The following CRYZ variants were observed in gnomAD, a reference collection of about 807,000 sequenced individuals.
CRYZ encodes zeta-crystallin.
A neutral mutation model predicts 34.1 loss-of-function variants in CRYZ; 35 were observed. The observed-to-expected ratio is 1.03, with a 90% CI of 0.78 to 1.36. CRYZ has a LOEUF of 1.36. Ranked by LOEUF, CRYZ falls within the 40% of genes most tolerant of loss-of-function variation. The pLI is 0.00. For synonymous variants in CRYZ, 137 were observed against 136.5 expected, an observed-to-expected ratio of 1.00 and a Z score of -0.03; for missense variants, 403 against 391.8, an observed-to-expected ratio of 1.03 and a Z score of -0.24.
chr1:74,724,432 T>A (rs1647232948), intron 2 of CRYZ, among the ~76,000 whole-genome samples: 1 of 152,228 alleles, frequency 6.6e-6, no homozygotes, highest in Non-Finnish European at 1.5e-5. Context: ...TCAAAACTCC[T>A]TATGTGTCCA....
At position 74,716,217 on chromosome 1, in the gene CRYZ, T is replaced by C. The variant is rs905054253; in HGVS notation, c.429-1587A>G. ...GTGCGCGTGTGTGTGTGTGTGTGTG[T>C]ATGTGTACAGAGTGACTGATTCTTA... On this transcript the variant is annotated intron_variant, in intron 4 of 8. Coordinates refer to ENST00000340866, the MANE Select transcript of CRYZ (RefSeq NM_001889.4). Among the ~76,000 whole-genome samples, 4 of 152,122 alleles carry C rather than the reference T, an allele frequency of 2.6e-5. 1 individual carries two copies. Among genetic ancestry groups the C allele is most frequent in the African/African-American group, 2.4e-5 (1 of 41,500 alleles).
chr1:74,731,183 T>A (rs957884193), intron 1 of CRYZ, among the ~76,000 whole-genome samples: 2 of 152,190 alleles, frequency 1.3e-5, no homozygotes, highest in Non-Finnish European at 2.9e-5. Context: ...ATCTAGGAAA[T>A]AGAAAATCTA....
intron 1 of CRYZ, among the ~76,000 whole-genome samples, chr1:74,727,000 C>A (rs571904011): frequency 3.2e-4 from 48 of 152,014 alleles, no homozygotes; most frequent in Non-Finnish European, 5.9e-4. Context: ...CCATCTGAGA[C>A]CACCTCAGCC....
At chr1:74,716,877 T>C (rs929130186) in intron 4 of CRYZ, among the ~76,000 whole-genome samples, 1 of 152,158 alleles carries the variant, frequency 6.6e-6, no homozygotes, top group African/African-American at 2.4e-5. Context: ...TAGCCCTGGA[T>C]TAATGTTCAA....
chr1:74,711,906 A>G (rs1191979691), intron 5 of CRYZ, among the ~76,000 whole-genome samples: 1 of 151,714 alleles, frequency 6.6e-6, no homozygotes, highest in East Asian at 1.9e-4. Flanking sequence ...TATCTTACGG[A>G]TGGTATTTAA....
At chr1:74,719,815 C>T (rs1206372352) in intron 3 of CRYZ, among the ~76,000 whole-genome samples, 2 of 151,814 alleles carry the variant, frequency 1.3e-5, no homozygotes, top group Non-Finnish European at 2.9e-5. Flanking sequence ...TAAAATACTT[C>T]ACATTTAAAA....
At chr1:74,716,536 G>C (rs1647078117) in intron 4 of CRYZ, among the ~76,000 whole-genome samples, 1 of 152,038 alleles carries the variant, frequency 6.6e-6, no homozygotes, top group Non-Finnish European at 1.5e-5. Context: ...AGAAAATCAA[G>C]CATCACAGTT....
intron 1 of CRYZ, among the ~76,000 whole-genome samples, chr1:74,728,205 G>A (rs1647487171): frequency 6.6e-6 from 1 of 152,006 alleles, no homozygotes; most frequent in African/African-American, 2.4e-5. Context: ...TAACAAAAGG[G>A]GAAAAACATC....
At chr1:74,726,848 GA>G (rs1647369110) in intron 1 of CRYZ, among the ~76,000 whole-genome samples, 1 of 152,120 alleles carries the variant, frequency 6.6e-6, no homozygotes, top group African/African-American at 2.4e-5. Flanking sequence ...TTACTGCTTA[GA>G]AATTTCTTCA....
intron 3 of CRYZ, among the ~76,000 whole-genome samples, chr1:74,721,764 C>A (rs1391600579): frequency 6.6e-6 from 1 of 152,128 alleles, no homozygotes; most frequent in Non-Finnish European, 1.5e-5. Flanking sequence ...AAAAGATAAG[C>A]TAGTTTTAGA....
At chr1:74,706,518 C>A in intron 8 of CRYZ, 61 bp from the exon 9 acceptor site, 1 of 1,434,266 alleles carries the variant, frequency 7.0e-7, no homozygotes, top group Non-Finnish European at 9.5e-7. Context: ...TTTTCAGAAG[C>A]ATTAAAAACA....
At chr1:74,725,143 C>T (rs1156859665) in intron 1 of CRYZ, among the ~76,000 whole-genome samples, 2 of 152,162 alleles carry the variant, frequency 1.3e-5, no homozygotes, top group African/African-American at 4.8e-5. Flanking sequence ...GTTGCAATAC[C>T]TTAGAAATTT....
rs1569958963 is a variant in CRYZ at position 74,705,548 on chromosome 1, T to C, written c.*748A>G. 1 of 152,276 alleles carries C rather than the reference T, an allele frequency of 6.6e-6. No individual in the cohort carries two copies. Among genetic ancestry groups the C allele is most frequent in the East Asian group, 1.9e-4 (1 of 5,182 alleles). The allele number at this position is 152,276 out of a possible 1,614,324, so 9.4% of individuals were successfully genotyped here. ...TTACGAGACAAATGCAGATAATTCT[T>C]AATTTATCAAATTTGTGAGCTTAAT... On this transcript the variant is annotated 3_prime_UTR_variant, in exon 9 of 9. Transcript: ENST00000340866.
chr1:74,722,262 G>C (rs779426392), intron 3 of CRYZ, among the ~76,000 whole-genome samples: 1 of 152,020 alleles, frequency 6.6e-6, no homozygotes, highest in Non-Finnish European at 1.5e-5. Flanking sequence ...TGCAGAAAAA[G>C]TTTAAAGAAA....
chr1:74,729,945 G>A (rs1293359782), intron 1 of CRYZ, among the ~76,000 whole-genome samples: 3 of 151,780 alleles, frequency 2.0e-5, no homozygotes, highest in Admixed American at 6.6e-5. Flanking sequence ...CCTAGCTTCT[G>A]TAAGCTGGGT....
At chr1:74,722,787 T>C (rs1206611820) in intron 3 of CRYZ, among the ~76,000 whole-genome samples, 1 of 152,186 alleles carries the variant, frequency 6.6e-6, no homozygotes, top group African/African-American at 2.4e-5. Flanking sequence ...TTAGCTTATG[T>C]ATCATCAAGA....
intron 2 of CRYZ, among the ~76,000 whole-genome samples, chr1:74,724,431 C>T (rs1178770642): frequency 6.6e-6 from 1 of 152,114 alleles, no homozygotes; most frequent in African/African-American, 2.4e-5. Flanking sequence ...TTCAAAACTC[C>T]TTATGTGTCC....
intron 1 of CRYZ, among the ~76,000 whole-genome samples, chr1:74,729,461 G>A (rs1448234962): frequency 6.9e-6 from 1 of 144,168 alleles, no homozygotes; most frequent in Admixed American, 7.2e-5. Context: ...TGGCAACATG[G>A]CGAAATGCCA....
At chr1:74,713,122 C>G (rs1311468316) in intron 5 of CRYZ, among the ~76,000 whole-genome samples, 2 of 152,104 alleles carry the variant, frequency 1.3e-5, no homozygotes, top group Non-Finnish European at 2.9e-5. Flanking sequence ...AAGCACTTCA[C>G]ACACCAGGTC....
Sources: gnomAD v4.1 joint callset for allele counts (sites outside exome capture counted in the v4.1 genomes callset) on GRCh38, gnomAD v4.1.1 for gene constraint, MANE v1.5 for transcripts, NCBI Gene and HGNC (gene_info 2026-07-23, HGNC 2026-07-21) for gene names.